The following LRMDA variants were observed in gnomAD, a reference collection of about 807,000 sequenced individuals.
LRMDA encodes the protein leucine rich melanocyte differentiation associated.
Under a neutral mutation model 29.8 loss-of-function variants are expected in LRMDA, and 18 were observed. The ratio of observed to expected loss-of-function variants is 0.60; its 90% CI spans 0.42 to 0.90. LRMDA has a LOEUF of 0.90. Ranked by LOEUF, LRMDA falls within the 40% of genes least tolerant of loss-of-function variation. LRMDA has a pLI of 0.00. For synonymous variants in LRMDA, 125 were observed against 109.4 expected, an observed-to-expected ratio of 1.14 and a Z score of -0.89; for missense variants, 273 against 273.9, an observed-to-expected ratio of 1.00 and a Z score of 0.02.
In LRMDA at chr10:76,013,367, G is replaced by T. The variant is rs540908826; in HGVS notation, c.132-22641G>T. Among the ~76,000 whole-genome samples, 34 of 151,648 alleles carry T rather than the reference G, an allele frequency of 2.2e-4. No individual in the cohort carries two copies. The South Asian group carries it at 6.1e-3, about 27-fold the overall frequency. ...AAGGGTCATTTTTCTCCCCTTCAGTGAGGATGGGGTGGGGCTTCTGATGGT... is the reference window on the plus strand; with the variant it reads ...AAGGGTCATTTTTCTCCCCTTCAGTTAGGATGGGGTGGGGCTTCTGATGGT... On this transcript the variant is annotated intron_variant, in intron 2 of 6. Coordinates refer to ENST00000611255, the MANE Select transcript of LRMDA (RefSeq NM_001305581.2).
At chr10:76,328,538 C>G (rs1840865002) in intron 6 of LRMDA, among the ~76,000 whole-genome samples, 1 of 152,118 alleles carries the variant, frequency 6.6e-6, no homozygotes, top group Non-Finnish European at 1.5e-5. Flanking sequence ...TCTCAGGTCC[C>G]CCTGACCTTT....
intron 4 of LRMDA, among the ~76,000 whole-genome samples, chr10:76,052,418 G>A (rs1564639839): frequency 6.6e-6 from 1 of 151,894 alleles, no homozygotes; most frequent in Non-Finnish European, 1.5e-5. Flanking sequence ...GTGTTCCTGG[G>A]GAGCAGCCAT....
intron 5 of LRMDA, among the ~76,000 whole-genome samples, chr10:76,290,947 C>T (rs946471246): frequency 6.6e-6 from 1 of 152,106 alleles, no homozygotes; most frequent in African/African-American, 2.4e-5. Context: ...TTAATGTTGA[C>T]CTCTAATTAA....
chr10:76,092,071 C>G (rs1849240575), intron 5 of LRMDA, among the ~76,000 whole-genome samples: 1 of 152,140 alleles, frequency 6.6e-6, no homozygotes, highest in Non-Finnish European at 1.5e-5. Flanking sequence ...AGGTTGTTGG[C>G]ATTTCTGAAG....
chr10:75,562,550 G>A (rs1264117945), intron 2 of LRMDA, among the ~76,000 whole-genome samples: 2 of 152,094 alleles, frequency 1.3e-5, no homozygotes, highest in African/African-American at 4.8e-5. Flanking sequence ...ATATTGTTAT[G>A]TGTGAATTTG....
At chr10:76,224,547 G>A (rs1427223807) in intron 5 of LRMDA, among the ~76,000 whole-genome samples, 1 of 151,786 alleles carries the variant, frequency 6.6e-6, no homozygotes, top group Non-Finnish European at 1.5e-5. Context: ...ACTCCAGCCT[G>A]GGCAACAGAG....
chr10:76,161,185 A>C (rs1417103031), intron 5 of LRMDA, among the ~76,000 whole-genome samples: 1 of 152,102 alleles, frequency 6.6e-6, no homozygotes, highest in Non-Finnish European at 1.5e-5. Flanking sequence ...AGGGAAAGAG[A>C]TCTTGTCTCT....
intron 5 of LRMDA, among the ~76,000 whole-genome samples, chr10:76,145,937 T>G (rs1248030407): frequency 8.6e-5 from 13 of 151,450 alleles, no homozygotes; most frequent in African/African-American, 2.9e-4. Flanking sequence ...TCTGCCTTCA[T>G]TTTGTTATGT....
intron 2 of LRMDA, among the ~76,000 whole-genome samples, chr10:75,757,128 A>G (rs1287179453): frequency 1.3e-5 from 2 of 152,210 alleles, no homozygotes; most frequent in Admixed American, 6.5e-5. Flanking sequence ...ATTGGTTTCA[A>G]AGACAGAAAG....
At chr10:75,527,436 C>A (rs1488313446) in intron 2 of LRMDA, among the ~76,000 whole-genome samples, 1 of 151,938 alleles carries the variant, frequency 6.6e-6, no homozygotes, top group African/African-American at 2.4e-5. Context: ...TATCATAATT[C>A]TATGTTTAAT....
At chr10:75,998,800 A>G (rs1847515032) in intron 2 of LRMDA, among the ~76,000 whole-genome samples, 1 of 152,192 alleles carries the variant, frequency 6.6e-6, no homozygotes, top group Non-Finnish European at 1.5e-5. Context: ...TGGGAGTTCA[A>G]TATGGTTAGT....
intron 2 of LRMDA, among the ~76,000 whole-genome samples, chr10:76,002,452 C>A (rs1460025960): frequency 6.6e-6 from 1 of 152,204 alleles, no homozygotes; most frequent in Admixed American, 6.5e-5. Context: ...TTTCACATCC[C>A]AGGCCCACCA....
intron 6 of LRMDA, among the ~76,000 whole-genome samples, chr10:76,326,050 C>T (rs911063335): frequency 6.6e-6 from 1 of 152,136 alleles, no homozygotes; most frequent in African/African-American, 2.4e-5. Context: ...ACACAGACAT[C>T]TCAATTTTAC....
chr10:75,431,629 G>C lies in LRMDA; in HGVS notation c.-96G>C. 1 of 1,106,438 alleles carries C rather than the reference G, an allele frequency of 9.0e-7. No homozygotes were observed. Among genetic ancestry groups the C allele is most frequent in the Non-Finnish European group, 1.1e-6 (1 of 888,100 alleles). The allele number at this position is 1,106,438 out of a possible 1,614,324, so 68.5% of individuals were successfully genotyped here. On this transcript the variant is annotated 5_prime_UTR_variant, in exon 1 of 7. Coordinates refer to ENST00000611255, the MANE Select transcript of LRMDA (RefSeq NM_001305581.2). Reference sequence around the variant, plus strand: ...GCCGGGTCAGCTGACTGCCCAGTGCGGAACTGTGCGCCCGCCGCGCTCCCC... The same window carrying C: ...GCCGGGTCAGCTGACTGCCCAGTGCCGAACTGTGCGCCCGCCGCGCTCCCC...
intron 2 of LRMDA, among the ~76,000 whole-genome samples, chr10:75,697,226 T>G (rs775181753): frequency 3.9e-5 from 6 of 152,144 alleles, no homozygotes; most frequent in Non-Finnish European, 8.8e-5. Context: ...AGGGATATAG[T>G]GATTTGGTCT....
Position 76,120,933 on chromosome 10 carries a change from C to T in LRMDA, c.516+62150C>T, listed in dbSNP as rs549378903. 1.3e-4 allele frequency among the ~76,000 whole-genome samples: 19 copies of T among 151,330 alleles called. No homozygotes were observed. In the South Asian group the frequency reaches 2.1e-3, roughly 17 times the overall value. ...CTGCAAGCTCTGACTCCCAGGTTGA[C>T]GCCATTCTCCTGCCTCAGTCTCCCG... On this transcript the variant is annotated intron_variant, in intron 5 of 6. Transcript: ENST00000611255.
intron 2 of LRMDA, among the ~76,000 whole-genome samples, chr10:75,767,191 T>C (rs1843181358): frequency 6.6e-6 from 1 of 152,238 alleles, no homozygotes; most frequent in African/African-American, 2.4e-5. Flanking sequence ...ATTGTATTTC[T>C]GGTTCTAGAT....
intron 2 of LRMDA, among the ~76,000 whole-genome samples, chr10:75,658,261 A>G (rs1267682014): frequency 6.8e-6 from 1 of 147,482 alleles, no homozygotes; most frequent in Non-Finnish European, 1.5e-5. Flanking sequence ...CCTTGTTGGA[A>G]CTCTAGAGTT....
intron 6 of LRMDA, among the ~76,000 whole-genome samples, chr10:76,359,062 G>A (rs1841277828): frequency 6.6e-6 from 1 of 152,032 alleles, no homozygotes; most frequent in Non-Finnish European, 1.5e-5. Flanking sequence ...ATCCACTAGG[G>A]CTCCTGTGAC....
Sources: gnomAD v4.1 joint callset for allele counts (sites outside exome capture counted in the v4.1 genomes callset) on GRCh38, gnomAD v4.1.1 for gene constraint, MANE v1.5 for transcripts, NCBI Gene and HGNC (gene_info 2026-07-23, HGNC 2026-07-21) for gene names.